Variants in ADK observed in about 807,000 individuals in gnomAD.
ADK encodes adenosine kinase.
In ADK, 24 loss-of-function variants were observed where a neutral mutation model predicts 44.7. The ratio of observed to expected loss-of-function variants is 0.54; its 90% CI spans 0.39 to 0.76. ADK has a LOEUF of 0.76. Ranked by LOEUF, ADK falls within the 30% of genes least tolerant of loss-of-function variation. The probability of loss-of-function intolerance (pLI) is 0.00; values close to 1 mark genes in which losing one functional copy is unlikely to be tolerated. For missense variants in ADK, 321 were observed against 425.1 expected (o/e 0.76, Z 2.15); for synonymous variants, 128 against 142.6 (o/e 0.90, Z 0.73).
At chr10:74,423,637 A>G in intron 6 of ADK, 1 of 382,338 alleles carries the variant, frequency 2.6e-6, no homozygotes, top group East Asian at 7.6e-5. Flanking sequence ...TGCTTCGTGG[A>G]ATTCTGGGGC....
At chr10:74,279,105 C>T (rs4501938) in intron 3 of ADK, among the ~76,000 whole-genome samples, 97,373 of 151,102 alleles carry the variant, frequency 0.64, 32,690 homozygotes, top group Middle Eastern at 0.79. Flanking sequence ...ATGGTGAAAC[C>T]TCATCTCTCC....
intron 9 of ADK, among the ~76,000 whole-genome samples, chr10:74,667,473 A>C (rs1428390649): frequency 6.6e-6 from 1 of 151,734 alleles, no homozygotes; most frequent in Non-Finnish European, 1.5e-5. Context: ...TCCAGAAAAA[A>C]TCATTATAAA....
intron 1 of ADK, among the ~76,000 whole-genome samples, chr10:74,180,728 G>C (rs569221031): frequency 1.1e-3 from 175 of 152,272 alleles, no homozygotes; most frequent in Admixed American, 2.4e-3. Flanking sequence ...AAAGTACTGG[G>C]ATTACAGGCG....
chr10:74,706,057 A>C (rs1275634580), intron 10 of ADK, among the ~76,000 whole-genome samples: 1 of 152,164 alleles, frequency 6.6e-6, no homozygotes, highest in African/African-American at 2.4e-5. Context: ...TTCTTAGCCA[A>C]GTGTGGTAAC....
intron 3 of ADK, among the ~76,000 whole-genome samples, chr10:74,256,041 A>G (rs1255075941): frequency 6.6e-6 from 1 of 152,242 alleles, no homozygotes; most frequent in Non-Finnish European, 1.5e-5. Context: ...ATCAGAGTCA[A>G]GAAAAGCTTC....
At chr10:74,400,728 GT>G (rs1477241914) in intron 6 of ADK, among the ~76,000 whole-genome samples, 1 of 152,170 alleles carries the variant, frequency 6.6e-6, no homozygotes, top group Non-Finnish European at 1.5e-5. Context: ...ATTCTAAAAT[GT>G]TTTTGATCTA....
At chr10:74,291,973 G>C (rs1847457354) in intron 3 of ADK, among the ~76,000 whole-genome samples, 2 of 152,100 alleles carry the variant, frequency 1.3e-5, no homozygotes, top group Non-Finnish European at 2.9e-5. Flanking sequence ...TTAAATCCAA[G>C]ATGTCATTTT....
At chr10:74,162,905 A>G (rs768783504) in intron 1 of ADK, among the ~76,000 whole-genome samples, 2 of 151,978 alleles carry the variant, frequency 1.3e-5, no homozygotes, top group Non-Finnish European at 2.9e-5. Context: ...GCCATTTATT[A>G]TATTTGTCTA....
intron 4 of ADK, among the ~76,000 whole-genome samples, chr10:74,386,750 C>A (rs1285001675): frequency 6.6e-6 from 1 of 152,104 alleles, no homozygotes. Context: ...TCGGTATACT[C>A]CTAATAGTCT....
chr10:74,482,985 G>A (rs1195816905), intron 6 of ADK, among the ~76,000 whole-genome samples: 1 of 152,112 alleles, frequency 6.6e-6, no homozygotes, highest in Non-Finnish European at 1.5e-5. Flanking sequence ...CCATTTTGAG[G>A]TCTGGAGGAC....
intron 6 of ADK, among the ~76,000 whole-genome samples, chr10:74,441,930 AC>A (rs964945715): frequency 6.6e-5 from 10 of 152,184 alleles, no homozygotes; most frequent in Admixed American, 5.9e-4. Flanking sequence ...CATACAAATG[AC>A]CCAGGTATAT....
At chr10:74,695,616 T>TGGGG (rs796902967) in intron 10 of ADK, among the ~76,000 whole-genome samples, 10 of 21,450 alleles carry the variant, frequency 4.7e-4, no homozygotes, top group Admixed American at 1.5e-3. Flanking sequence ...TGTGTATGTG[T>TGGGG]GGGGTGTGTG....
chr10:74,429,489 G>A (rs1844908305), intron 6 of ADK, among the ~76,000 whole-genome samples: 1 of 152,158 alleles, frequency 6.6e-6, no homozygotes, highest in Admixed American at 6.5e-5. Context: ...ATATTCTTTA[G>A]TCAAGTGGTC....
At chr10:74,575,941 G>A (rs1477032798) in intron 7 of ADK, among the ~76,000 whole-genome samples, 1 of 152,006 alleles carries the variant, frequency 6.6e-6, no homozygotes, top group East Asian at 1.9e-4. Flanking sequence ...AAGAGTTTTA[G>A]GTATTATAGG....
chr10:74,560,072 A>G (rs1261838660), intron 7 of ADK, among the ~76,000 whole-genome samples: 1 of 152,062 alleles, frequency 6.6e-6, no homozygotes, highest in Non-Finnish European at 1.5e-5. Context: ...GCGCACCACC[A>G]TGCCCAGATA....
chr10:74,408,950 T>C (rs1443663589), intron 6 of ADK, among the ~76,000 whole-genome samples: 1 of 152,184 alleles, frequency 6.6e-6, no homozygotes, highest in Non-Finnish European at 1.5e-5. Flanking sequence ...ATTGTTATAG[T>C]ATCAGTTGTA....
chr10:74,592,649 G>A (rs949887731), intron 8 of ADK, among the ~76,000 whole-genome samples: 37 of 151,512 alleles, frequency 2.4e-4, no homozygotes, highest in Admixed American at 2.2e-3. Context: ...AATCCTTTTC[G>A]CCTTTTTCAC....
chr10:74,488,923 C>T (rs1045218529), intron 6 of ADK, among the ~76,000 whole-genome samples: 1 of 151,814 alleles, frequency 6.6e-6, no homozygotes, highest in Non-Finnish European at 1.5e-5. Context: ...GATATCTGTG[C>T]CTCATTCTCC....
At chr10:74,180,905 G>T (rs996832529) in intron 1 of ADK, among the ~76,000 whole-genome samples, 1 of 152,196 alleles carries the variant, frequency 6.6e-6, no homozygotes, top group South Asian at 2.1e-4. Flanking sequence ...CAGTAGCAGA[G>T]ATACTAATAT....
Sources: allele counts gnomAD v4.1 joint callset (sites outside exome capture counted in the v4.1 genomes callset), GRCh38; gene constraint gnomAD v4.1.1; transcripts MANE v1.5; gene names NCBI Gene and HGNC (gene_info 2026-07-23, HGNC 2026-07-21).